Variants in ATP2C2 observed in about 807,000 individuals in gnomAD.
ATP2C2 encodes ATPase secretory pathway Ca2+ transporting 2.
ATP2C2 carries 171 observed loss-of-function variants against 110.8 expected under a neutral mutation model. The observed-to-expected ratio is 1.54, with a 90% CI of 1.36 to 1.75. The LOEUF (loss-of-function observed/expected upper bound fraction) is 1.75. Ranked by LOEUF, ATP2C2 falls within the 40% of genes most tolerant of loss-of-function variation. ATP2C2 has a pLI of 0.00. For synonymous variants in ATP2C2, 804 were observed against 508.4 expected, an observed-to-expected ratio of 1.58 and a Z score of -7.82; for missense variants, 1,963 against 1,235.0, an observed-to-expected ratio of 1.59 and a Z score of -8.84.
intron 11 of ATP2C2, among the ~76,000 whole-genome samples, chr16:84,428,530 C>T (rs979412591): frequency 2.6e-5 from 4 of 151,938 alleles, no homozygotes; most frequent in African/African-American, 9.7e-5. Context: ...TTAGTAACAC[C>T]AAATGCTGAG....
chr16:84,383,382 A>G (rs971739858), intron 1 of ATP2C2, among the ~76,000 whole-genome samples: 4 of 152,214 alleles, frequency 2.6e-5, no homozygotes, highest in Non-Finnish European at 5.9e-5. Context: ...GCGCCTGCCA[A>G]CTTGAACTTT....
At chr16:84,449,482 G>C (rs145094780) in intron 17 of ATP2C2, among the ~76,000 whole-genome samples, 4 of 152,326 alleles carry the variant, frequency 2.6e-5, no homozygotes, top group African/African-American at 9.6e-5. Flanking sequence ...CTGTGCCTCA[G>C]TTTCCCCATA....
chr16:84,404,842 T>G (rs897193453), intron 2 of ATP2C2: 2 of 393,428 alleles, frequency 5.1e-6, no homozygotes, highest in African/African-American at 2.1e-5. Flanking sequence ...GAAGAAAAGA[T>G]GTGTTTCTGC....
At chr16:84,396,228 G>A (rs1014952575) in intron 1 of ATP2C2, among the ~76,000 whole-genome samples, 12 of 151,702 alleles carry the variant, frequency 7.9e-5, no homozygotes, top group African/African-American at 2.9e-4. Flanking sequence ...TCGGGCGTGT[G>A]TGTGTGTGTG....
At chr16:84,397,661 A>AAAAAAAAAAAAAAAAAAAAAAAAAC (rs1264436345) in intron 1 of ATP2C2, among the ~76,000 whole-genome samples, 2 of 146,352 alleles carry the variant, frequency 1.4e-5, no homozygotes, top group African/African-American at 2.5e-5. Flanking sequence ...GTGACAAAAA[A>AAAAAAAAAAAAAAAAAAAAAAAAAC]AAAAAAAAAA....
intron 24 of ATP2C2, 165 bp from the exon 25 acceptor site, chr16:84,461,549 G>T: frequency 1.4e-6 from 1 of 699,202 alleles, no homozygotes. Context: ...CCCTGGGGTA[G>T]CAGCCACTGA....
chr16:84,368,753 C>G, intron 1 of ATP2C2, 39 bp downstream of exon 1: 1 of 1,431,560 alleles, frequency 7.0e-7, no homozygotes. Context: ...TGCGACCCGA[C>G]CCCCCATCCC....
At chr16:84,385,383 G>C (rs1264811279) in intron 1 of ATP2C2, among the ~76,000 whole-genome samples, 3 of 152,124 alleles carry the variant, frequency 2.0e-5, no homozygotes, top group Admixed American at 6.5e-5. Flanking sequence ...CCTCCCACCA[G>C]GCCCACCTCC....
chr16:84,419,349 G>A (rs1041686401), intron 7 of ATP2C2, among the ~76,000 whole-genome samples: 12 of 148,124 alleles, frequency 8.1e-5, no homozygotes, highest in South Asian at 2.2e-4. Flanking sequence ...CCATGTTCCC[G>A]CACCACTGCT....
chr16:84,431,528 A>G (rs373341100), intron 11 of ATP2C2, among the ~76,000 whole-genome samples: 4 of 151,924 alleles, frequency 2.6e-5, no homozygotes, highest in Admixed American at 1.3e-4. Context: ...AAGGGGATGG[A>G]CTGGAAGAGG....
In ATP2C2 at chr16:84,410,713, T is replaced by G; in HGVS notation, c.463T>G (p.Ser155Ala). The part of the protein sequence containing the change: ...VTVAFIQEYR[S>A]EKSLEELTKL... ...ATGTGCTTCCTGCCAGGAGTACAGG[T>G]CGGAGAAATCTCTGGAAGAGCTGAC... Residue 155 changes from serine (S) to alanine (A), a missense_variant, in exon 6 of 27, where the codon TCG (serine) becomes GCG (alanine). Coordinates refer to ENST00000262429, the MANE Select transcript of ATP2C2 (RefSeq NM_014861.4). 6.2e-7 allele frequency: 1 copy of G among 1,614,112 alleles called. No homozygotes were observed. Among genetic ancestry groups the G allele is most frequent in the Non-Finnish European group, 8.5e-7 (1 of 1,180,012 alleles).
intron 26 of ATP2C2, 21 bp downstream of exon 26, chr16:84,462,150 C>A (rs199845472): frequency 1.1e-5 from 18 of 1,605,128 alleles, no homozygotes; most frequent in Admixed American, 1.7e-5. Context: ...GGGACGGGAA[C>A]GACAGGTGAC....
chr16:84,446,241 T>C, intron 15 of ATP2C2, 88 bp from the exon 16 acceptor site: 1 of 701,270 alleles, frequency 1.4e-6, no homozygotes, highest in Admixed American at 3.4e-5. Flanking sequence ...AGAGGTGGTT[T>C]GAACAATGAA....
rs746988848 is a variant in ATP2C2, at chr16:84,448,667, G to T, written c.1638G>T (p.Arg546Ser). 53 of 1,613,490 alleles carry T rather than the reference G, an allele frequency of 3.3e-5. No homozygotes were observed. The highest frequency in any genetic ancestry group is 4.1e-5 in the Non-Finnish European group (48 of 1,179,790). Residue 546 changes from arginine (R) to serine (S), a missense_variant, in exon 17 of 27, where the codon AGG becomes AGT. Arg to Ser is a moderately radical substitution (Grantham distance 110). Coordinates refer to ENST00000262429, the MANE Select transcript of ATP2C2 (RefSeq NM_014861.4). ...QRSFCLQEEK[R>S]MGSLGLRVLA... ...CATTCTGCCTGCAGGAAGAGAAGAG[G>T]ATGGGGTCGCTCGGTTTGCGGGGTC...
chr16:84,439,141 G>A (rs374260157), intron 11 of ATP2C2, 25 bp from the exon 12 acceptor site: 2 of 1,611,640 alleles, frequency 1.2e-6, no homozygotes, highest in Non-Finnish European at 1.7e-6. Context: ...GTGTTAGAGG[G>A]GACTCATTTG....
intron 7 of ATP2C2, among the ~76,000 whole-genome samples, chr16:84,418,106 C>G (rs910830120): frequency 9.9e-5 from 15 of 152,182 alleles, no homozygotes; most frequent in African/African-American, 3.1e-4. Flanking sequence ...ACACTTTCTC[C>G]CCTACCATGT....
intron 16 of ATP2C2, among the ~76,000 whole-genome samples, chr16:84,447,256 A>G (rs1909836589): frequency 1.3e-5 from 2 of 152,192 alleles, no homozygotes; most frequent in Non-Finnish European, 2.9e-5. Flanking sequence ...CTTCCTGTGC[A>G]TGGATGGACA....
At chr16:84,445,542 G>T (rs1444044888) in intron 15 of ATP2C2, among the ~76,000 whole-genome samples, 2 of 152,074 alleles carry the variant, frequency 1.3e-5, no homozygotes, top group Admixed American at 1.3e-4. Context: ...TTGGCTTAGG[G>T]CCAACCCTAA....
At chr16:84,417,563 G>C (rs755989539) in intron 7 of ATP2C2, among the ~76,000 whole-genome samples, 3 of 152,168 alleles carry the variant, frequency 2.0e-5, no homozygotes, top group Non-Finnish European at 4.4e-5. Context: ...CTTCCTTACT[G>C]CTTCAGCTGG....
Sources: allele counts gnomAD v4.1 joint callset (sites outside exome capture counted in the v4.1 genomes callset), GRCh38; gene constraint gnomAD v4.1.1; transcripts MANE v1.5; gene names NCBI Gene and HGNC (gene_info 2026-07-23, HGNC 2026-07-21).